Variants in LRP1B observed in about 807,000 individuals in gnomAD.
LRP1B encodes the protein low-density lipoprotein receptor-related protein 1B.
LRP1B carries 217 observed loss-of-function variants against 556.6 expected under a neutral mutation model. That is an observed-to-expected ratio of 0.39 (90% CI 0.35 to 0.44). The LOEUF (loss-of-function observed/expected upper bound fraction) is 0.44. Ranked by LOEUF, LRP1B falls within the 20% of genes least tolerant of loss-of-function variation. The pLI, the probability that LRP1B is intolerant of heterozygous loss-of-function variation, is 1.00. For synonymous variants in LRP1B, 2,047 were observed against 1,865.8 expected, an observed-to-expected ratio of 1.10 and a Z score of -2.50; for missense variants, 5,053 against 5,620.8, an observed-to-expected ratio of 0.90 and a Z score of 3.23.
chr2:141,469,847 T>C (rs1400951754), intron 3 of LRP1B, among the ~76,000 whole-genome samples: 6 of 152,192 alleles, frequency 3.9e-5, no homozygotes, highest in Non-Finnish European at 8.8e-5. Flanking sequence ...GAGTTAGCCA[T>C]AGTCAACTGT....
At chr2:140,547,403 TTAATC>T (rs571985679) in intron 43 of LRP1B, among the ~76,000 whole-genome samples, 48 of 152,268 alleles carry the variant, frequency 3.2e-4, no homozygotes, top group African/African-American at 1.2e-3. Flanking sequence ...TGTCCAGGAA[TTAATC>T]TATTTATTCT....
At chr2:140,693,976 G>A (rs748493088) in intron 41 of LRP1B, among the ~76,000 whole-genome samples, 1 of 152,232 alleles carries the variant, frequency 6.6e-6, no homozygotes, top group African/African-American at 2.4e-5. Flanking sequence ...CCAGAGTGCC[G>A]GGATTACAGG....
intron 1 of LRP1B, among the ~76,000 whole-genome samples, chr2:141,972,252 A>T (rs1473944746): frequency 6.6e-6 from 1 of 151,602 alleles, no homozygotes; most frequent in Non-Finnish European, 1.5e-5. Context: ...TGTTTAAAGA[A>T]TTTTTTAAAG....
intron 2 of LRP1B, among the ~76,000 whole-genome samples, chr2:141,787,789 A>G (rs1402560715): frequency 6.6e-6 from 1 of 151,882 alleles, no homozygotes; most frequent in African/African-American, 2.4e-5. Flanking sequence ...TGTGAGTACT[A>G]TACTTGGCTA....
chr2:140,497,678 A>G (rs1447700584), intron 55 of LRP1B, among the ~76,000 whole-genome samples: 2 of 151,904 alleles, frequency 1.3e-5, no homozygotes, highest in Non-Finnish European at 2.9e-5. Flanking sequence ...GAAATTTTAT[A>G]GAATGTGTTG....
At chr2:141,318,205 C>T (rs1486013149) in intron 3 of LRP1B, among the ~76,000 whole-genome samples, 1 of 152,106 alleles carries the variant, frequency 6.6e-6, no homozygotes, top group Non-Finnish European at 1.5e-5. Context: ...ATACCAGGTA[C>T]TACACTAACA....
intron 59 of LRP1B, among the ~76,000 whole-genome samples, chr2:140,482,244 C>T (rs1688276196): frequency 6.6e-6 from 1 of 151,980 alleles, no homozygotes; most frequent in African/African-American, 2.4e-5. Flanking sequence ...ACTAAATATT[C>T]CAGAAATATG....
At chr2:140,313,840 C>T (rs959849676) in intron 83 of LRP1B, among the ~76,000 whole-genome samples, 2 of 151,762 alleles carry the variant, frequency 1.3e-5, no homozygotes, top group Non-Finnish European at 2.9e-5. Context: ...GGTAAGACTC[C>T]TATTGCCGTT....
chr2:140,575,087 G>C (rs1681468672), intron 43 of LRP1B, among the ~76,000 whole-genome samples: 2 of 152,096 alleles, frequency 1.3e-5, no homozygotes, highest in African/African-American at 4.8e-5. Flanking sequence ...ATTTCGCCCT[G>C]GGGATGCTTT....
chr2:141,893,445 C>A (rs1574470147), intron 1 of LRP1B, among the ~76,000 whole-genome samples: 1 of 152,168 alleles, frequency 6.6e-6, no homozygotes, highest in African/African-American at 2.4e-5. Context: ...AGGTGATCCA[C>A]CCACCTTGGC....
rs147886667 is a variant in LRP1B at position 142,091,951 on chromosome 2, T to C, written c.82+38697A>G. Among the ~76,000 whole-genome samples, 186 of 152,310 alleles carry C rather than the reference T, an allele frequency of 1.2e-3. 1 individual carries two copies. The highest frequency in any genetic ancestry group is 2.3e-3 in the Non-Finnish European group (157 of 68,030). ...TTTCCTTCTGGCATCCCTTCTTTCC[T>C]TTTTTCTACTTTGAGTAGAGAAGCT... On this transcript the variant is annotated intron_variant, in intron 1 of 90. Transcript: ENST00000389484.
intron 37 of LRP1B, among the ~76,000 whole-genome samples, chr2:140,709,486 G>C (rs1356489547): frequency 6.6e-6 from 1 of 151,534 alleles, no homozygotes; most frequent in African/African-American, 2.4e-5. Flanking sequence ...AGGAAGAGGA[G>C]GAGGAGGAGG....
intron 2 of LRP1B, among the ~76,000 whole-genome samples, chr2:141,805,934 G>T (rs1359397860): frequency 6.6e-6 from 1 of 152,016 alleles, no homozygotes; most frequent in Non-Finnish European, 1.5e-5. Context: ...TGGTCAATGA[G>T]TCATTATGCC....
At chr2:141,480,610 TA>T in intron 2 of LRP1B, 77 bp from the exon 3 acceptor site, 1 of 1,414,944 alleles carries the variant, frequency 7.1e-7, no homozygotes, top group South Asian at 1.2e-5. Context: ...AAGAAATTAC[TA>T]GCATTGTTTT....
intron 2 of LRP1B, among the ~76,000 whole-genome samples, chr2:141,647,098 G>C (rs1371193323): frequency 6.6e-6 from 1 of 152,154 alleles, no homozygotes; most frequent in Non-Finnish European, 1.5e-5. Flanking sequence ...AGAAGGTCCT[G>C]AGTAGAAGAA....
intron 2 of LRP1B, among the ~76,000 whole-genome samples, chr2:141,530,800 T>C (rs576117740): frequency 6.6e-6 from 1 of 151,722 alleles, no homozygotes; most frequent in East Asian, 1.9e-4. Flanking sequence ...GAATAGCAAA[T>C]ACAATGTCAA....
intron 20 of LRP1B, among the ~76,000 whole-genome samples, chr2:140,930,062 G>C (rs1475229246): frequency 6.6e-6 from 1 of 152,026 alleles, no homozygotes; most frequent in African/African-American, 2.4e-5. Context: ...ATTCCAGCTT[G>C]AGTTCCAAGC....
chr2:140,922,457 T>C (rs913480940), intron 21 of LRP1B, among the ~76,000 whole-genome samples: 2 of 151,966 alleles, frequency 1.3e-5, no homozygotes, highest in African/African-American at 4.8e-5. Flanking sequence ...AATAGTACAG[T>C]AACATTTAGG....
chr2:141,175,359 A>T (rs915865743), intron 7 of LRP1B, among the ~76,000 whole-genome samples: 3 of 152,126 alleles, frequency 2.0e-5, no homozygotes, highest in African/African-American at 7.2e-5. Context: ...ATGAGAGAAA[A>T]GTGGTTCCAC....
Sources: gnomAD v4.1 joint callset for allele counts (sites outside exome capture counted in the v4.1 genomes callset) on GRCh38, gnomAD v4.1.1 for gene constraint, MANE v1.5 for transcripts, NCBI Gene and HGNC (gene_info 2026-07-23, HGNC 2026-07-21) for gene names.